USP48: variants seen among roughly 807,000 people sequenced by gnomAD.
USP48 encodes ubiquitin carboxyl-terminal hydrolase 48.
USP48 carries 43 observed loss-of-function variants against 150.7 expected under a neutral mutation model. That is an observed-to-expected ratio of 0.29 (90% confidence interval 0.22 to 0.37). The LOEUF is 0.37. Ranked by LOEUF, USP48 falls within the 10% of genes least tolerant of loss-of-function variation. The pLI, the probability that USP48 is intolerant of heterozygous loss-of-function variation, is 1.00. For synonymous variants in USP48, 396 were observed against 425.9 expected, an observed-to-expected ratio of 0.93 and a Z score of 0.86; for missense variants, 813 against 1,249.6, an observed-to-expected ratio of 0.65 and a Z score of 5.27.
intron 8 of USP48, among the ~76,000 whole-genome samples, chr1:21,738,426 G>A (rs2097773541): frequency 6.7e-6 from 1 of 148,830 alleles, no homozygotes; most frequent in African/African-American, 2.5e-5. Flanking sequence ...TGTGATCTCG[G>A]CCCACTGCAA....
intron 8 of USP48, among the ~76,000 whole-genome samples, chr1:21,742,430 G>A (rs1382549502): frequency 6.6e-6 from 1 of 151,974 alleles, no homozygotes; most frequent in East Asian, 1.9e-4. Flanking sequence ...TGTAATCCCA[G>A]CTACCCGAGA....
intron 11 of USP48, chr1:21,725,085 C>T (rs1189055396): frequency 6.6e-6 from 1 of 152,086 alleles, no homozygotes; most frequent in African/African-American, 2.4e-5. Flanking sequence ...AGAAAACTAA[C>T]TCCCATTTTA....
chr1:21,751,964 G>A (rs548673729), intron 5 of USP48, among the ~76,000 whole-genome samples: 3 of 144,644 alleles, frequency 2.1e-5, no homozygotes, highest in Non-Finnish European at 3.0e-5. Flanking sequence ...GTTGCAGTGA[G>A]CCAAGATCAC....
chr1:21,724,222 C>A, intron 11 of USP48, 127 bp from the exon 12 acceptor site: 1 of 962,314 alleles, frequency 1.0e-6, no homozygotes, highest in Non-Finnish European at 1.6e-6. Context: ...GAATCATTGT[C>A]TGGGGGAAGA....
chr1:21,681,811 G>T (rs1270958582), intron 25 of USP48, among the ~76,000 whole-genome samples: 1 of 152,112 alleles, frequency 6.6e-6, no homozygotes, highest in African/African-American at 2.4e-5. Context: ...GGTAACTACT[G>T]AATTACTGAT....
chr1:21,768,716 C>T (rs1489222190), intron 1 of USP48: 1 of 150,064 alleles, frequency 6.7e-6, no homozygotes, highest in African/African-American at 2.5e-5. Context: ...ATCTTCTCCT[C>T]ATGGCTCCCA....
chr1:21,776,810 C>T (rs958782369), intron 1 of USP48, among the ~76,000 whole-genome samples: 15 of 151,982 alleles, frequency 9.9e-5, no homozygotes, highest in South Asian at 4.1e-4. Context: ...AAAAATTAGC[C>T]GGGCGTGGTG....
intron 8 of USP48, among the ~76,000 whole-genome samples, chr1:21,737,874 C>T (rs1296309805): frequency 6.6e-6 from 1 of 151,830 alleles, no homozygotes; most frequent in Non-Finnish European, 1.5e-5. Flanking sequence ...CTTTACAGTA[C>T]AAATCTTTGC....
At chr1:21,710,120 T>C (rs1473481571) in intron 15 of USP48, among the ~76,000 whole-genome samples, 1 of 152,202 alleles carries the variant, frequency 6.6e-6, no homozygotes, top group African/African-American at 2.4e-5. Context: ...GAAATTAAAC[T>C]TGTATCCTGC....
At chr1:21,707,300 C>A (rs1300500273) in intron 15 of USP48, among the ~76,000 whole-genome samples, 1 of 152,122 alleles carries the variant, frequency 6.6e-6, no homozygotes, top group Non-Finnish European at 1.5e-5. Flanking sequence ...GACTTTATTG[C>A]CTCCCATTTG....
In USP48 at chr1:21,747,163, A is replaced by C; in HGVS notation, c.909-14T>G. On this transcript the variant is annotated splice_polypyrimidine_tract_variant and intron_variant, in intron 7 of 26. Transcript: ENST00000308271. ...TGTCCAGTTTGCCTAACCAAGAGGA[A>C]AGCTGATTATATTTACATTTAAAAC... The C allele has an allele frequency of 6.3e-7, 1 of 1,578,976 alleles. No homozygotes were observed. The highest frequency in any genetic ancestry group is 2.2e-5 in the East Asian group (1 of 44,568).
At chr1:21,744,126 T>G (rs2097788438) in intron 8 of USP48, among the ~76,000 whole-genome samples, 1 of 152,170 alleles carries the variant, frequency 6.6e-6, no homozygotes. Context: ...GGATTTATAT[T>G]CATCAATTCA....
intron 18 of USP48, 69 bp from the exon 19 acceptor site, chr1:21,705,906 A>G: frequency 1.6e-6 from 2 of 1,286,754 alleles, no homozygotes; most frequent in Non-Finnish European, 2.1e-6. Flanking sequence ...ATTTTAAAAT[A>G]ATTATTTCAA....
At chr1:21,775,548 C>T (rs1486752965) in intron 1 of USP48, among the ~76,000 whole-genome samples, 3 of 152,188 alleles carry the variant, frequency 2.0e-5, no homozygotes, top group South Asian at 2.1e-4. Flanking sequence ...AGCCACCGTG[C>T]GTGGCCCTCA....
At chr1:21,775,826 T>C (rs1326894226) in intron 1 of USP48, among the ~76,000 whole-genome samples, 2 of 152,134 alleles carry the variant, frequency 1.3e-5, no homozygotes, top group South Asian at 2.1e-4. Flanking sequence ...GAAGATCCCT[T>C]GAGCCCAGGA....
At chr1:21,691,806 ACT>A (rs1330960441) in intron 23 of USP48, among the ~76,000 whole-genome samples, 1 of 152,224 alleles carries the variant, frequency 6.6e-6, no homozygotes, top group Non-Finnish European at 1.5e-5. Context: ...CTTCAATGAC[ACT>A]GTTTTAATTC....
At chr1:21,689,919 T>C (rs1369912406) in intron 24 of USP48, 55 bp downstream of exon 24, 3 of 1,600,778 alleles carry the variant, frequency 1.9e-6, no homozygotes, top group African/African-American at 2.7e-5. Context: ...AGTTTACACA[T>C]AGTTATGTAA....
chr1:21,710,163 A>G (rs957142916), intron 15 of USP48, among the ~76,000 whole-genome samples: 4 of 152,200 alleles, frequency 2.6e-5, no homozygotes, highest in Non-Finnish European at 4.4e-5. Flanking sequence ...ATTTTAAGAG[A>G]AAGCCAATCA....
chr1:21,766,134 G>A (rs1452870604), intron 1 of USP48, among the ~76,000 whole-genome samples: 1 of 152,106 alleles, frequency 6.6e-6, no homozygotes, highest in African/African-American at 2.4e-5. Context: ...CTGAAAGGCC[G>A]AGGCGGGAGG....
Sources: allele counts gnomAD v4.1 joint callset (sites outside exome capture counted in the v4.1 genomes callset), GRCh38; gene constraint gnomAD v4.1.1; transcripts MANE v1.5; gene names NCBI Gene and HGNC (gene_info 2026-07-23, HGNC 2026-07-21).